SLC25A21: variants seen among roughly 807,000 people sequenced by gnomAD.
SLC25A21 encodes the protein mitochondrial 2-oxodicarboxylate carrier.
A neutral mutation model predicts 43.8 loss-of-function variants in SLC25A21; 47 were observed. The observed-to-expected ratio is 1.07, with a 90% CI of 0.85 to 1.37. SLC25A21 has a LOEUF of 1.37. Ranked by LOEUF, SLC25A21 falls within the 40% of genes most tolerant of loss-of-function variation. The probability of loss-of-function intolerance (pLI) is 0.00; values close to 1 mark genes in which losing one functional copy is unlikely to be tolerated. For synonymous variants in SLC25A21, 131 were observed against 121.3 expected (o/e 1.08, Z -0.52); for missense variants, 352 against 350.2 (o/e 1.00, Z -0.04).
At chr14:37,126,100 G>T (rs1176685667) in intron 1 of SLC25A21, among the ~76,000 whole-genome samples, 1 of 152,056 alleles carries the variant, frequency 6.6e-6, no homozygotes, top group Non-Finnish European at 1.5e-5. Flanking sequence ...CATAACTCAG[G>T]ACACCGCTGC....
chr14:37,047,607 T>C (rs1469545018), intron 1 of SLC25A21, among the ~76,000 whole-genome samples: 1 of 152,184 alleles, frequency 6.6e-6, no homozygotes, highest in Non-Finnish European at 1.5e-5. Flanking sequence ...ACACATAAAG[T>C]ATGTAACATA....
At chr14:36,952,004 G>A (rs761637066) in intron 1 of SLC25A21, among the ~76,000 whole-genome samples, 7 of 151,952 alleles carry the variant, frequency 4.6e-5, no homozygotes, top group Non-Finnish European at 8.8e-5. Flanking sequence ...GGAGGCCAAG[G>A]AGGGCAGATC....
intron 1 of SLC25A21, among the ~76,000 whole-genome samples, chr14:37,036,051 T>C (rs899169519): frequency 2.0e-5 from 3 of 152,164 alleles, no homozygotes; most frequent in African/African-American, 4.8e-5. Context: ...AAAGGAAAAT[T>C]GAGAATTTTT....
At chr14:37,056,880 G>T (rs906271824) in intron 1 of SLC25A21, among the ~76,000 whole-genome samples, 4 of 152,040 alleles carry the variant, frequency 2.6e-5, no homozygotes, top group African/African-American at 9.7e-5. Flanking sequence ...TTTAACCCTG[G>T]ATCCATAAAG....
At chr14:37,076,652 C>A (rs1962287350) in intron 1 of SLC25A21, among the ~76,000 whole-genome samples, 1 of 151,874 alleles carries the variant, frequency 6.6e-6, no homozygotes, top group Admixed American at 6.6e-5. Flanking sequence ...GCATGCCCGG[C>A]TAATTTTGTA....
intron 7 of SLC25A21, among the ~76,000 whole-genome samples, chr14:36,706,051 G>A (rs1049603811): frequency 6.6e-6 from 1 of 152,092 alleles, no homozygotes; most frequent in African/African-American, 2.4e-5. Context: ...TCCCAGTTTT[G>A]AATCAGGCTT....
intron 1 of SLC25A21, among the ~76,000 whole-genome samples, chr14:37,097,342 C>T (rs1218034531): frequency 6.6e-6 from 1 of 152,080 alleles, no homozygotes; most frequent in Non-Finnish European, 1.5e-5. Context: ...CTCAAGCTAT[C>T]TGCTCACCTT....
chr14:36,914,374 T>G (rs986392399), intron 1 of SLC25A21, among the ~76,000 whole-genome samples: 5 of 152,176 alleles, frequency 3.3e-5, no homozygotes, highest in Admixed American at 3.3e-4. Context: ...AATGCAGCAG[T>G]TGATTGCCAA....
At chr14:36,869,578 G>C (rs1290954004) in intron 2 of SLC25A21, among the ~76,000 whole-genome samples, 1 of 152,126 alleles carries the variant, frequency 6.6e-6, no homozygotes, top group African/African-American at 2.4e-5. Flanking sequence ...AGAAGCAAGA[G>C]CACTGCTTGA....
At chr14:37,097,091 A>C (rs1025027675) in intron 1 of SLC25A21, 6 of 85,830 alleles carry the variant, frequency 7.0e-5, no homozygotes, top group African/African-American at 2.5e-4. Flanking sequence ...TTTTTATTCT[A>C]ACTTTTATTT....
At chr14:37,168,105 C>T (rs1183308726) in intron 1 of SLC25A21, among the ~76,000 whole-genome samples, 2 of 152,100 alleles carry the variant, frequency 1.3e-5, no homozygotes, top group Admixed American at 1.3e-4. Flanking sequence ...AACAAACTTC[C>T]AGATGCTACC....
At chr14:37,071,402 T>C (rs1397672273) in intron 1 of SLC25A21, among the ~76,000 whole-genome samples, 2 of 152,208 alleles carry the variant, frequency 1.3e-5, no homozygotes, top group South Asian at 2.1e-4. Context: ...AATGAAGACA[T>C]TCCTTTTCAA....
intron 1 of SLC25A21, among the ~76,000 whole-genome samples, chr14:36,887,684 G>A (rs909125426): frequency 6.6e-6 from 1 of 152,122 alleles, no homozygotes; most frequent in South Asian, 2.1e-4. Context: ...GAAGAGGGCA[G>A]CTTATAGAGT....
intron 1 of SLC25A21, among the ~76,000 whole-genome samples, chr14:36,879,236 C>T (rs1314105522): frequency 1.3e-5 from 2 of 151,988 alleles, no homozygotes; most frequent in Admixed American, 6.6e-5. Context: ...ATTAGAAAAA[C>T]ATAAAACACA....
chr14:37,017,389 C>A (rs143710142), intron 1 of SLC25A21, among the ~76,000 whole-genome samples: 5,134 of 152,142 alleles, frequency 0.034, 121 homozygotes, highest in Non-Finnish European at 0.05. Flanking sequence ...CAACATTTAT[C>A]AATTAAGTTC....
intron 1 of SLC25A21, among the ~76,000 whole-genome samples, chr14:36,912,107 A>T (rs1891701423): frequency 6.6e-6 from 1 of 152,074 alleles, no homozygotes; most frequent in Non-Finnish European, 1.5e-5. Context: ...TATTTTGGGG[A>T]TTAAAAACTA....
At chr14:36,764,174 AAGAAAGAAAGAAAGAAAG>A (rs1257866288) in intron 3 of SLC25A21, among the ~76,000 whole-genome samples, 29 of 75,874 alleles carry the variant, frequency 3.8e-4, no homozygotes, top group African/African-American at 9.7e-4. Context: ...GAAAGAAAGA[AAGAAAGAAAGAAAGAAAG>A]AGAAAGAAAG....
At position 36,679,676 on chromosome 14, in the gene SLC25A21, T is replaced by TGTC. The variant is rs1243109095; in HGVS notation, c.*979_*981dup. On this transcript the variant is annotated 3_prime_UTR_variant, in exon 10 of 10. Coordinates refer to ENST00000331299, the MANE Select transcript of SLC25A21 (RefSeq NM_030631.4). The stretch of plus-strand genomic sequence containing the variant: ...AGACAGCTGACTTCCCACCTGAAGT[T>TGTC]GTCGTTTAAAACTAATAACCTGAAA... 2 of 985,308 alleles carry TGTC rather than the reference T, an allele frequency of 2.0e-6. No individual in the cohort carries two copies. Among genetic ancestry groups the TGTC allele is most frequent in the African/African-American group, 3.5e-5 (2 of 57,244 alleles). The allele number at this position is 985,308 out of a possible 1,614,324, so 61.0% of individuals were successfully genotyped here.
intron 1 of SLC25A21, among the ~76,000 whole-genome samples, chr14:36,995,943 A>G (rs1034934579): frequency 8.5e-5 from 13 of 152,186 alleles, no homozygotes; most frequent in African/African-American, 2.4e-4. Context: ...CAATAACTCT[A>G]TGATGTAAAT....
Sources: gnomAD v4.1 joint callset for allele counts (sites outside exome capture counted in the v4.1 genomes callset) on GRCh38, gnomAD v4.1.1 for gene constraint, MANE v1.5 for transcripts, NCBI Gene and HGNC (gene_info 2026-07-23, HGNC 2026-07-21) for gene names.